HGD: variants seen among roughly 807,000 people sequenced by gnomAD.
HGD encodes homogentisate 1,2-dioxygenase.
A neutral mutation model predicts 60.8 loss-of-function variants in HGD; 61 were observed. The observed-to-expected ratio is 1.00, with a 90% confidence interval of 0.82 to 1.24. The LOEUF is 1.24. HGD is among the 50% of genes most tolerant of loss of function. HGD has a pLI of 0.00. For synonymous variants in HGD, 212 were observed against 187.7 expected, an observed-to-expected ratio of 1.13 and a Z score of -1.06; for missense variants, 542 against 547.1, an observed-to-expected ratio of 0.99 and a Z score of 0.09.
rs1342219226 is a variant in HGD, at chr3:120,674,949, T to C, written c.128A>G (p.Gln43Arg). Reference sequence around the variant, plus strand: ...ACAAGTGAAAGCCGATCCTGAGAGCTGCTCAGCATAGAGATTGTAGGGGCA... The same window carrying C: ...ACAAGTGAAAGCCGATCCTGAGAGCCGCTCAGCATAGAGATTGTAGGGGCA... The part of the protein sequence containing the change: ...QVCPYNLYAE[Q>R]LSGSAFTCPR... The change falls in exon 3 of 14, where the codon CAG becomes CGG. Residue 43 changes from glutamine to arginine, a missense_variant. By Grantham distance (43) the Gln-to-Arg change is conservative. Around this residue, in one of 2 missense-constraint regions of HGD, gnomAD observed 537 missense variants for 529.1 expected, o/e 1.01. Coordinates refer to ENST00000283871, the MANE Select transcript of HGD (RefSeq NM_000187.4). The C allele has an allele frequency of 6.2e-7, 1 of 1,612,218 alleles. No homozygotes were observed. Among genetic ancestry groups the C allele is most frequent in the Non-Finnish European group, 8.5e-7 (1 of 1,178,524 alleles).
At chr3:120,669,057 T>TTAC (rs1188829998) in intron 4 of HGD, among the ~76,000 whole-genome samples, 3 of 152,144 alleles carry the variant, frequency 2.0e-5, no homozygotes, top group African/African-American at 7.2e-5. Flanking sequence ...ACGCCCACTA[T>TTAC]TACTAGACCA....
chr3:120,646,006 T>C (rs759427214), intron 9 of HGD, among the ~76,000 whole-genome samples: 4 of 152,194 alleles, frequency 2.6e-5, no homozygotes, highest in East Asian at 3.9e-4. Context: ...GTACACACTA[T>C]GCAACCAGAA....
chr3:120,658,148 G>A (rs1398262029), intron 4 of HGD, among the ~76,000 whole-genome samples: 1 of 152,122 alleles, frequency 6.6e-6, no homozygotes, highest in Non-Finnish European at 1.5e-5. Context: ...TCCCAGCAGT[G>A]CCCAAAAGTC....
intron 6 of HGD, among the ~76,000 whole-genome samples, chr3:120,649,795 C>A (rs1197439276): frequency 6.6e-6 from 1 of 152,114 alleles, no homozygotes; most frequent in African/African-American, 2.4e-5. Context: ...AAGAGCTGAT[C>A]ACTTGGCATT....
chr3:120,663,280 G>C (rs769086227), intron 4 of HGD, among the ~76,000 whole-genome samples: 2 of 152,162 alleles, frequency 1.3e-5, no homozygotes, highest in Non-Finnish European at 2.9e-5. Flanking sequence ...ATGATGACAA[G>C]GGGGAGGTGA....
intron 10 of HGD, among the ~76,000 whole-genome samples, chr3:120,643,657 A>C (rs1284762440): frequency 6.6e-6 from 1 of 152,260 alleles, no homozygotes; most frequent in East Asian, 1.9e-4. Context: ...AAAATGAAGC[A>C]AACAAATAAT....
intron 9 of HGD, 137 bp from the exon 10 acceptor site, chr3:120,644,580 G>T: frequency 6.5e-7 from 1 of 1,549,206 alleles, no homozygotes; most frequent in South Asian, 1.2e-5. Flanking sequence ...AAGATTCACT[G>T]CATTTCCAGT....
chr3:120,659,589 G>C (rs1941597806), intron 4 of HGD, among the ~76,000 whole-genome samples: 1 of 152,158 alleles, frequency 6.6e-6, no homozygotes, highest in South Asian at 2.1e-4. Context: ...CAAGTCTCTA[G>C]GAAGTTTGAA....
At chr3:120,650,636 G>T in intron 6 of HGD, 138 bp downstream of exon 6, 1 of 735,286 alleles carries the variant, frequency 1.4e-6, no homozygotes, top group Non-Finnish European at 2.5e-6. Flanking sequence ...TATGAATATT[G>T]CCTTGAGGAG....
chr3:120,669,872 C>A (rs1428950911), intron 4 of HGD, among the ~76,000 whole-genome samples: 1 of 152,134 alleles, frequency 6.6e-6, no homozygotes, highest in Non-Finnish European at 1.5e-5. Flanking sequence ...TATGTATATA[C>A]ATAATCAATC....
At chr3:120,630,937 C>T (rs112232901) in intron 13 of HGD, among the ~76,000 whole-genome samples, 4,338 of 150,716 alleles carry the variant, frequency 0.029, 202 homozygotes, top group African/African-American at 0.1. Flanking sequence ...CTCAGGAACA[C>T]GACGGAGCTG....
intron 12 of HGD, among the ~76,000 whole-genome samples, chr3:120,637,602 C>G (rs1940824335): frequency 7.1e-6 from 1 of 141,042 alleles, no homozygotes; most frequent in Non-Finnish European, 1.6e-5. Flanking sequence ...ACATTTCTGT[C>G]TCTCTGTCTC....
chr3:120,652,462 C>T (rs903934555), intron 5 of HGD, 130 bp downstream of exon 5: 71 of 712,482 alleles, frequency 1.0e-4, no homozygotes, highest in East Asian at 2.2e-4. Context: ...CCAAAGCATA[C>T]GCAGGTGGTT....
intron 11 of HGD, among the ~76,000 whole-genome samples, chr3:120,639,992 C>G (rs564334482): frequency 3.2e-3 from 486 of 152,024 alleles, no homozygotes; most frequent in Non-Finnish European, 5.9e-3. Flanking sequence ...GATCGATTCC[C>G]TGCTTCTTTA....
At chr3:120,640,133 GGAAGGAAGGAAGGAAA>G (rs1424694205) in intron 11 of HGD, among the ~76,000 whole-genome samples, 7 of 146,814 alleles carry the variant, frequency 4.8e-5, no homozygotes, top group Admixed American at 1.4e-4. Context: ...GAGAGAGAAA[GGAAGGAAGGAAGGAAA>G]GAAGGAAGGA....
In HGD at chr3:120,660,511, T is replaced by C. The variant is rs1244728508; in HGVS notation, c.283-7860A>G. Among the ~76,000 whole-genome samples the C allele has an allele frequency of 3.9e-5, 6 of 152,148 alleles. No individual in the cohort carries two copies. The East Asian group carries it at 1.2e-3, about 29-fold the overall frequency. On this transcript the variant is annotated intron_variant, in intron 4 of 13. Coordinates refer to ENST00000283871, the MANE Select transcript of HGD (RefSeq NM_000187.4). ...AGAATATAGATAATGAGGATCCAAG[T>C]CACTGTAATTTAGATTTCTAAAAGT...
chr3:120,635,865 A>G (rs892363632), intron 12 of HGD, among the ~76,000 whole-genome samples: 25 of 152,302 alleles, frequency 1.6e-4, no homozygotes, highest in African/African-American at 4.8e-4. Context: ...TGTCTAAATC[A>G]GATGACTCTA....
intron 1 of HGD, among the ~76,000 whole-genome samples, chr3:120,680,374 A>C (rs898313124): frequency 6.6e-6 from 1 of 152,184 alleles, no homozygotes; most frequent in African/African-American, 2.4e-5. Context: ...TGACCTCTGG[A>C]GTTAACCTTT....
chr3:120,666,309 A>C (rs959628426), intron 4 of HGD, among the ~76,000 whole-genome samples: 4 of 152,114 alleles, frequency 2.6e-5, no homozygotes, highest in African/African-American at 9.7e-5. Context: ...TACCATATAG[A>C]AAGTGTTCAG....
Sources: gnomAD v4.1 joint callset for allele counts (sites outside exome capture counted in the v4.1 genomes callset) on GRCh38, gnomAD v4.1.1 for gene constraint, gnomAD v4.1.1 regional missense constraint, MANE v1.5 for transcripts, NCBI Gene and HGNC (gene_info 2026-07-23, HGNC 2026-07-21) for gene names.